The following LIMA1 variants were observed in gnomAD, a reference collection of about 807,000 sequenced individuals.
LIMA1 encodes the protein LIM domain and actin binding 1, also known as LIM domain and actin-binding protein 1.
LIMA1 carries 52 observed loss-of-function variants against 62.6 expected under a neutral mutation model. The observed-to-expected ratio is 0.83, with a 90% CI of 0.67 to 1.05. The LOEUF (loss-of-function observed/expected upper bound fraction) is 1.05. Ranked by LOEUF, LIMA1 falls within the 50% of genes least tolerant of loss-of-function variation. LIMA1 has a pLI of 0.00. For synonymous variants in LIMA1, 302 were observed against 317.8 expected (o/e 0.95, Z 0.53); for missense variants, 780 against 902.2 (o/e 0.86, Z 1.74).
chr12:50,181,684 G>T lies in LIMA1; in HGVS notation c.1274+220C>A, dbSNP rs188360846. Among the ~76,000 whole-genome samples the T allele has an allele frequency of 1.8e-3, 272 of 152,208 alleles. 1 individual carries two copies. Among genetic ancestry groups the T allele is most frequent in the African/African-American group, 6.4e-3 (264 of 41,522 alleles). ...TGCAACTCATATTATTTAAGCTTCG[G>T]TCCTAACATGTAAATTAACATATCA... is the stretch of plus-strand genomic sequence containing the variant. On this transcript the variant is annotated intron_variant, in intron 10 of 10. Coordinates refer to ENST00000341247, the MANE Select transcript of LIMA1 (RefSeq NM_016357.5).
At chr12:50,223,908 C>T (rs780499919) in intron 3 of LIMA1, among the ~76,000 whole-genome samples, 12 of 151,890 alleles carry the variant, frequency 7.9e-5, no homozygotes, top group Non-Finnish European at 1.3e-4. Context: ...CGTGGTGGCA[C>T]GCGCCTGTAG....
At chr12:50,194,077 T>G (rs1481528106) in intron 8 of LIMA1, among the ~76,000 whole-genome samples, 2 of 150,932 alleles carry the variant, frequency 1.3e-5, no homozygotes, top group Non-Finnish European at 2.9e-5. Context: ...AGCCTCCACC[T>G]CCTGGGTTCA....
At chr12:50,189,679 A>G (rs1199533361) in intron 9 of LIMA1, 2 of 152,214 alleles carry the variant, frequency 1.3e-5, no homozygotes, top group Non-Finnish European at 2.9e-5. Context: ...ATTTGCCCAT[A>G]GAAGAGGAAA....
chr12:50,201,228 G>C (rs1407717650), intron 6 of LIMA1: 1 of 1,044,260 alleles, frequency 9.6e-7, no homozygotes, highest in Non-Finnish European at 1.2e-6. Context: ...CAAAGCTTGT[G>C]AGTTTTATCA....
At chr12:50,272,842 T>C (rs1166487460) in intron 1 of LIMA1, among the ~76,000 whole-genome samples, 1 of 151,386 alleles carries the variant, frequency 6.6e-6, no homozygotes, top group Admixed American at 6.6e-5. Flanking sequence ...GGTCAGGAGA[T>C]CGAGACCATC....
At chr12:50,270,604 C>CAAAAAA (rs150300834) in intron 1 of LIMA1, among the ~76,000 whole-genome samples, 1 of 71,690 alleles carries the variant, frequency 1.4e-5, no homozygotes. Context: ...GACCTTATCT[C>CAAAAAA]AAAAAAAAAA....
At chr12:50,217,576 C>T (rs1235435770) in intron 4 of LIMA1, 4 of 157,326 alleles carry the variant, frequency 2.5e-5, no homozygotes, top group African/African-American at 7.3e-5. Flanking sequence ...GAACTCTGCT[C>T]CTTATATGGG....
At chr12:50,258,639 C>CTTTTTTT (rs34324226) in intron 1 of LIMA1, among the ~76,000 whole-genome samples, 12 of 67,386 alleles carry the variant, frequency 1.8e-4, no homozygotes, top group East Asian at 4.0e-4. Flanking sequence ...TCTACCTATA[C>CTTTTTTT]TTTTTTTTTT....
intron 1 of LIMA1, among the ~76,000 whole-genome samples, chr12:50,263,785 CTGTGTGTGTG>C (rs3073660): frequency 6.9e-5 from 9 of 131,350 alleles, no homozygotes; most frequent in Non-Finnish European, 9.5e-5. Context: ...TTCCATTCCT[CTGTGTGTGTG>C]TGTGTGTGTG....
intron 1 of LIMA1, among the ~76,000 whole-genome samples, chr12:50,268,733 TG>T (rs1942169819): frequency 6.6e-6 from 1 of 152,026 alleles, no homozygotes; most frequent in South Asian, 2.1e-4. Flanking sequence ...GCCACCACAC[TG>T]GGTCAGCAAA....
chr12:50,214,913 C>T (rs767743575), intron 4 of LIMA1, among the ~76,000 whole-genome samples: 3 of 152,164 alleles, frequency 2.0e-5, no homozygotes, highest in Admixed American at 6.6e-5. Context: ...AATTTTTTAT[C>T]TTAACGTTAA....
chr12:50,219,469 T>TGA (rs1271932591), intron 4 of LIMA1: 2 of 152,068 alleles, frequency 1.3e-5, no homozygotes, highest in African/African-American at 4.8e-5. Flanking sequence ...TGAGTAACAG[T>TGA]GAGAGATTCT....
chr12:50,214,421 C>G (rs1941309200), intron 4 of LIMA1, among the ~76,000 whole-genome samples: 2 of 152,216 alleles, frequency 1.3e-5, no homozygotes, highest in South Asian at 4.1e-4. Context: ...GATATACTCC[C>G]CTACATTGAG....
intron 9 of LIMA1, among the ~76,000 whole-genome samples, chr12:50,185,095 G>A (rs1940599347): frequency 6.6e-6 from 1 of 152,214 alleles, no homozygotes; most frequent in African/African-American, 2.4e-5. Context: ...CTCCCAAAGT[G>A]CTGGGATTAC....
intron 3 of LIMA1, among the ~76,000 whole-genome samples, chr12:50,227,102 T>A (rs928410189): frequency 2.6e-5 from 4 of 152,020 alleles, no homozygotes; most frequent in African/African-American, 9.7e-5. Flanking sequence ...ATACTGTGTA[T>A]CTATATAGAC....
At chr12:50,230,825 C>T (rs1347106293) in intron 3 of LIMA1, among the ~76,000 whole-genome samples, 4 of 152,126 alleles carry the variant, frequency 2.6e-5, no homozygotes, top group Admixed American at 2.6e-4. Flanking sequence ...GATCTGCCCG[C>T]CTCGGTCTCC....
chr12:50,273,993 G>A (rs770652306), intron 1 of LIMA1, among the ~76,000 whole-genome samples: 6 of 152,120 alleles, frequency 3.9e-5, no homozygotes, highest in Non-Finnish European at 7.4e-5. Flanking sequence ...CCTGGATCCT[G>A]GAAACACCTT....
At chr12:50,241,935 T>A (rs1166636074) in intron 2 of LIMA1, among the ~76,000 whole-genome samples, 2 of 26,206 alleles carry the variant, frequency 7.6e-5, no homozygotes, top group African/African-American at 6.0e-4. Flanking sequence ...CTTCCCAGAT[T>A]TTTTTTTTTT....
rs1940381005 is a variant in LIMA1, at chr12:50,177,639, C to T, written c.1705G>A (p.Glu569Lys). 5.0e-6 allele frequency: 8 copies of T among 1,608,340 alleles called. No homozygotes were observed. The highest frequency in any genetic ancestry group is 5.9e-6 in the Non-Finnish European group (7 of 1,177,386). Residue 569 changes from glutamate to lysine, a missense_variant, in exon 11 of 11, where the codon GAG (glutamate) becomes AAG (lysine). By Grantham distance (56) the Glu-to-Lys change is moderately conservative. Transcript: ENST00000341247. ...EDEISKPEVP[E>K]DVDLDLKKLR... ...TTCTTCAGATCTAGATCGACATCCT[C>T]AGGAACTTCGGGCTTGCTGATTTCG...
Sources: gnomAD v4.1 joint callset for allele counts (sites outside exome capture counted in the v4.1 genomes callset) on GRCh38, gnomAD v4.1.1 for gene constraint, MANE v1.5 for transcripts, NCBI Gene and HGNC (gene_info 2026-07-23, HGNC 2026-07-21) for gene names.